Variants in FANCB observed in about 807,000 individuals in gnomAD.
FANCB encodes the protein Fanconi anemia group B protein.
Under a neutral mutation model 38.9 loss-of-function variants are expected in FANCB, and 5 were observed. The ratio of observed to expected loss-of-function variants is 0.13; its 90% CI spans 0.07 to 0.27. FANCB has a LOEUF of 0.27. FANCB is among the 10% of genes least tolerant of loss of function. The probability of loss-of-function intolerance (pLI) is 1.00; values close to 1 mark genes in which losing one functional copy is unlikely to be tolerated. For synonymous variants in FANCB, 236 were observed against 215.4 expected (o/e 1.10, Z -0.84); for missense variants, 573 against 602.7 (o/e 0.95, Z 0.52).
chrX:14,751,914 C>T, the FANCB span, among the ~76,000 whole-genome samples: 1 of 111,947 alleles, frequency 8.9e-6, no homozygotes, highest in Non-Finnish European at 1.9e-5. Flanking sequence ...CTTATTTGGG[C>T]TAAGTTTTAG....
the FANCB span, among the ~76,000 whole-genome samples, chrX:14,804,375 A>G: frequency 1.8e-5 from 2 of 112,048 alleles, no homozygotes; most frequent in African/African-American, 6.5e-5. Context: ...TCAGCAAACT[A>G]TCGCAAGGAC....
chrX:14,871,721 A>G (rs2092498220), intron 1 of FANCB, among the ~76,000 whole-genome samples: 1 of 111,490 alleles, frequency 9.0e-6, no homozygotes, highest in South Asian at 3.7e-4. Flanking sequence ...ACACTGCAGC[A>G]TATTATTTAT....
At chrX:14,784,598 T>C in the FANCB span, among the ~76,000 whole-genome samples, 1 of 112,259 alleles carries the variant, frequency 8.9e-6, no homozygotes, top group Non-Finnish European at 1.9e-5. Flanking sequence ...TTGTGGAAAA[T>C]GGTGTGGTGA....
chrX:14,736,165 C>T, the FANCB span, among the ~76,000 whole-genome samples: 6 of 111,343 alleles, frequency 5.4e-5, no homozygotes, highest in Non-Finnish European at 9.4e-5. Flanking sequence ...TCTTAGCATG[C>T]TGGGCTCCGT....
the FANCB span, among the ~76,000 whole-genome samples, chrX:14,721,513 G>A: frequency 3.6e-5 from 4 of 111,158 alleles, no homozygotes; most frequent in African/African-American, 3.3e-5. Context: ...CTTAATATTC[G>A]TAGAAGCTTA....
At chrX:14,824,780 G>A in the FANCB span, among the ~76,000 whole-genome samples, 9 of 111,746 alleles carry the variant, frequency 8.1e-5, no homozygotes, top group East Asian at 5.6e-4. Flanking sequence ...TTTTAGTTCC[G>A]CAAATAAAGT....
At chrX:14,754,042 C>T in the FANCB span, among the ~76,000 whole-genome samples, 1 of 112,221 alleles carries the variant, frequency 8.9e-6, no homozygotes, top group African/African-American at 3.2e-5. Context: ...ACCCAAGCTG[C>T]TGCAACATGG....
chrX:14,728,215 C>T, the FANCB span, among the ~76,000 whole-genome samples: 1 of 109,730 alleles, frequency 9.1e-6, no homozygotes, highest in African/African-American at 3.3e-5. Flanking sequence ...ATAGTGGGAC[C>T]CCGTCTCTAC....
At chrX:14,724,626 C>CAAAAAAAAAAAAAAAAAA in the FANCB span, among the ~76,000 whole-genome samples, 15 of 49,581 alleles carry the variant, frequency 3.0e-4, no homozygotes, top group African/African-American at 1.0e-3. Flanking sequence ...AACTCTGTCT[C>CAAAAAAAAAAAAAAAAAA]AAAAAAAAAA....
chrX:14,769,764 T>G, the FANCB span, among the ~76,000 whole-genome samples: 3 of 111,947 alleles, frequency 2.7e-5, no homozygotes, highest in African/African-American at 9.7e-5. Context: ...ACTTGAGATC[T>G]TTCTAGCTTT....
the FANCB span, among the ~76,000 whole-genome samples, chrX:14,813,528 A>G: frequency 1.8e-5 from 2 of 111,521 alleles, no homozygotes; most frequent in African/African-American, 6.5e-5. Flanking sequence ...ATACACCAAT[A>G]ACAGACAAAC....
At chrX:14,868,705 G>A (rs1477875615) in intron 2 of FANCB, among the ~76,000 whole-genome samples, 1 of 111,456 alleles carries the variant, frequency 9.0e-6, no homozygotes, top group Non-Finnish European at 1.9e-5. Context: ...ACACTAAAGT[G>A]TAATTTATTA....
chrX:14,837,975 G>A (rs1051968003), intron 10 of FANCB, among the ~76,000 whole-genome samples: 1 of 112,412 alleles, frequency 8.9e-6, no homozygotes, highest in African/African-American at 3.2e-5. Flanking sequence ...TCTCTGCAGT[G>A]ATCAAATGGT....
chrX:14,748,402 C>T, the FANCB span, among the ~76,000 whole-genome samples: 1 of 111,971 alleles, frequency 8.9e-6, no homozygotes, highest in Non-Finnish European at 1.9e-5. Flanking sequence ...GACTCTGAGA[C>T]AGGGGACCCA....
At chrX:14,773,787 T>C in the FANCB span, among the ~76,000 whole-genome samples, 2 of 112,051 alleles carry the variant, frequency 1.8e-5, no homozygotes, top group South Asian at 7.4e-4. Context: ...GTGTCCACTT[T>C]CTTCTTTCCT....
At chrX:14,707,811 C>G in the FANCB span, among the ~76,000 whole-genome samples, 1 of 109,851 alleles carries the variant, frequency 9.1e-6, no homozygotes, top group Non-Finnish European at 1.9e-5. Context: ...AGATGACAGT[C>G]TTTATTTTTT....
chrX:14,777,483 G>A, the FANCB span, among the ~76,000 whole-genome samples: 7 of 112,186 alleles, frequency 6.2e-5, no homozygotes, highest in Admixed American at 6.6e-4. Context: ...AATATTCAGT[G>A]CTGAAAATGG....
the FANCB span, among the ~76,000 whole-genome samples, chrX:14,792,500 T>TA: frequency 9.0e-6 from 1 of 110,771 alleles, no homozygotes; most frequent in Non-Finnish European, 1.9e-5. Flanking sequence ...AATGCACCAT[T>TA]AAAAAAAATC....
the FANCB span, among the ~76,000 whole-genome samples, chrX:14,704,988 C>T: frequency 8.9e-6 from 1 of 111,919 alleles, no homozygotes; most frequent in South Asian, 3.7e-4. Context: ...ACTTCCAGCT[C>T]TTAAGGAGGG....
Sources: gnomAD v4.1 joint callset for allele counts (sites outside exome capture counted in the v4.1 genomes callset) on GRCh38, gnomAD v4.1.1 for gene constraint, MANE v1.5 for transcripts, NCBI Gene and HGNC (gene_info 2026-07-23, HGNC 2026-07-21) for gene names.